The following ESR1 variants were observed in gnomAD, a reference collection of about 807,000 sequenced individuals.
ESR1 encodes the protein estrogen receptor 1.
ESR1 carries 12 observed loss-of-function variants against 52.7 expected under a neutral mutation model. The ratio of observed to expected loss-of-function variants is 0.23; its 90% CI spans 0.15 to 0.37. The LOEUF (loss-of-function observed/expected upper bound fraction) is 0.37. Ranked by LOEUF, ESR1 falls within the 10% of genes least tolerant of loss-of-function variation. The pLI, the probability that ESR1 is intolerant of heterozygous loss-of-function variation, is 1.00. For synonymous variants in ESR1, 305 were observed against 316.8 expected, an observed-to-expected ratio of 0.96 and a Z score of 0.39; for missense variants, 584 against 779.7, an observed-to-expected ratio of 0.75 and a Z score of 2.99.
At position 152,098,887 on chromosome 6, in the gene ESR1, C is replaced by T. The variant is rs2050851816; in HGVS notation, c.1709C>T (p.Thr570Ile). The T allele has an allele frequency of 1.2e-6, 2 of 1,614,204 alleles. No homozygotes were observed. The highest frequency in any genetic ancestry group is 1.1e-5 in the South Asian group (1 of 91,090). ...VEETDQSHLA[T>I]AGSTSSHSLQ... ...GAGACGGACCAAAGCCACTTGGCCACTGCGGGCTCTACTTCATCGCATTCC... is the reference window on the plus strand; with the variant it reads ...GAGACGGACCAAAGCCACTTGGCCATTGCGGGCTCTACTTCATCGCATTCC... Residue 570 changes from threonine (T) to isoleucine (I), a missense_variant, in exon 8 of 8, where the codon ACT becomes ATT. Around this residue, in one of 6 missense-constraint regions of ESR1, gnomAD observed 71 missense variants for 66.1 expected, o/e 1.07. Transcript: ENST00000206249. The surrounding 1 kb of genome is among the most constrained non-coding windows in gnomAD (Gnocchi z 5.1).
chr6:152,100,677 G>A lies in ESR1; in HGVS notation c.*1711G>A. ...GCCAATGACCCAGGTGAGCTGCTCG[G>A]GCTTCTCTTGGTATGTCTTGTTTGG... On this transcript the variant is annotated 3_prime_UTR_variant, in exon 8 of 8. Coordinates refer to ENST00000206249, the MANE Select transcript of ESR1 (RefSeq NM_000125.4). The A allele has an allele frequency of 4.3e-6, 1 of 230,388 alleles. No homozygotes were observed. 14.3% of individuals were successfully genotyped at this position (230,388 alleles called of 1,614,324 possible).
rs768191645 is a variant in ESR1 at position 152,098,691 on chromosome 6, T to C, written c.1554-41T>C. The stretch of plus-strand genomic sequence containing the variant: ...GATTTCAGCACTCCTGGGGCTCGGG[T>C]TGGCTCTAAAGTAGTCCTTTCTGTG... On this transcript the variant is annotated intron_variant, in intron 7 of 7. Transcript: ENST00000206249. This position sits in a 1 kb window ranked among gnomAD's most constrained non-coding sequence, Gnocchi z 5.1. 1.3e-6 allele frequency: 2 copies of C among 1,546,156 alleles called. No homozygotes were observed. The highest frequency in any genetic ancestry group is 2.3e-5 in the East Asian group (1 of 44,216).
chr6:151,829,148 T>A (rs946938500), intron 1 of ESR1, among the ~76,000 whole-genome samples: 1 of 152,232 alleles, frequency 6.6e-6, no homozygotes, highest in Non-Finnish European at 1.5e-5. Context: ...TCTCTTTTAT[T>A]CCAGAATCAC....
At chr6:151,717,371 A>G (rs1259249595) in intron 2 of ESR1, among the ~76,000 whole-genome samples, 1 of 152,252 alleles carries the variant, frequency 6.6e-6, no homozygotes, top group Non-Finnish European at 1.5e-5. Flanking sequence ...AATTTTCTGC[A>G]GCTTTATTAA....
At chr6:151,685,399 C>T (rs1475727773) in intron 1 of ESR1, among the ~76,000 whole-genome samples, 1 of 152,048 alleles carries the variant, frequency 6.6e-6, no homozygotes, top group South Asian at 2.1e-4. Context: ...TCCCAAAGTG[C>T]TGGGATTACA....
At chr6:152,117,733 A>C (rs770620490) in intron 6 of ESR1, among the ~76,000 whole-genome samples, 2 of 152,170 alleles carry the variant, frequency 1.3e-5, no homozygotes, top group African/African-American at 2.4e-5. Flanking sequence ...CACCTTGTTC[A>C]TGCACTTATT....
chr6:151,991,647 T>C (rs1471315383), intron 4 of ESR1, among the ~76,000 whole-genome samples: 2 of 152,090 alleles, frequency 1.3e-5, no homozygotes, highest in African/African-American at 2.4e-5. Context: ...TGATTCAGAC[T>C]TGTCTCAATG....
intron 6 of ESR1, among the ~76,000 whole-genome samples, chr6:152,073,301 T>C (rs1205116859): frequency 6.6e-6 from 1 of 152,202 alleles, no homozygotes; most frequent in Non-Finnish European, 1.5e-5. Flanking sequence ...ACGAAGATCA[T>C]GAAATAATAG....
intron 2 of ESR1, among the ~76,000 whole-genome samples, chr6:151,717,097 T>C (rs1031963022): frequency 6.6e-6 from 1 of 152,184 alleles, no homozygotes; most frequent in African/African-American, 2.4e-5. Context: ...AGGGCTTCCC[T>C]TGGCTAGGGG....
intron 2 of ESR1, among the ~76,000 whole-genome samples, chr6:151,726,582 C>T (rs142709535): frequency 1.7e-4 from 26 of 152,158 alleles, no homozygotes; most frequent in African/African-American, 4.6e-4. Flanking sequence ...GTGATCCAAC[C>T]GCCTCGGCCT....
At chr6:151,994,075 AT>A (rs1288086772) in intron 4 of ESR1, among the ~76,000 whole-genome samples, 1 of 152,162 alleles carries the variant, frequency 6.6e-6, no homozygotes, top group Non-Finnish European at 1.5e-5. Context: ...TATTATCACT[AT>A]TTTTAAATGG....
chr6:151,677,977 G>A (rs202166295), intron 1 of ESR1, among the ~76,000 whole-genome samples: 17 of 99,622 alleles, frequency 1.7e-4, no homozygotes, highest in South Asian at 8.0e-4. Context: ...TTAATAAAAC[G>A]TAATGAAAGA....
At chr6:151,871,189 C>T (rs1790886872) in intron 2 of ESR1, among the ~76,000 whole-genome samples, 1 of 151,776 alleles carries the variant, frequency 6.6e-6, no homozygotes. Context: ...ACAATTCATC[C>T]ATGAAAGCAG....
intron 1 of ESR1, among the ~76,000 whole-genome samples, chr6:151,837,625 G>A (rs146211844): frequency 4.6e-5 from 7 of 152,234 alleles, no homozygotes; most frequent in Middle Eastern, 3.4e-3. Context: ...TCATAGATGC[G>A]TTCATTTCTC....
chr6:152,005,667 G>T (rs1168371796), intron 4 of ESR1, among the ~76,000 whole-genome samples: 1 of 151,922 alleles, frequency 6.6e-6, no homozygotes, highest in Non-Finnish European at 1.5e-5. Context: ...AACCCTAAGT[G>T]GTAGGCCAGT....
upstream of ESR1, among the ~76,000 whole-genome samples, chr6:151,686,064 A>ATTCTTTTTTTTTTTTTTTTTTTTTT (rs1778652904): frequency 8.7e-6 from 1 of 114,368 alleles, no homozygotes; most frequent in African/African-American, 4.2e-5. Flanking sequence ...AATTAAAACA[A>ATTCTTTTTTTTTTTTTTTTTTTTTT]TTTTTTTTTT....
At chr6:151,956,843 A>ATATATATATATATATATATATATAAATAT (rs2037003332) in intron 4 of ESR1, among the ~76,000 whole-genome samples, 1 of 44,466 alleles carries the variant, frequency 2.2e-5, no homozygotes, top group African/African-American at 7.4e-5. Context: ...AATATAAATA[A>ATATATATATATATATATATATATAAATAT]ATATATATAT....
chr6:151,874,995 A>G (rs985644018), intron 2 of ESR1, among the ~76,000 whole-genome samples: 1 of 152,266 alleles, frequency 6.6e-6, no homozygotes, highest in African/African-American at 2.4e-5. Context: ...GGAAAATGGC[A>G]TTTTAATTCA....
intron 6 of ESR1, among the ~76,000 whole-genome samples, chr6:152,069,477 G>T (rs928250030): frequency 1.5e-5 from 2 of 136,352 alleles, no homozygotes; most frequent in African/African-American, 6.6e-5. Flanking sequence ...ACGTGACTTT[G>T]AAGTGTTAAG....
Sources: allele counts gnomAD v4.1 joint callset (sites outside exome capture counted in the v4.1 genomes callset), GRCh38; gene constraint gnomAD v4.1.1; regional missense constraint gnomAD v4.1.1; non-coding constraint Gnocchi (gnomAD v3.1); transcripts MANE v1.5; gene names NCBI Gene and HGNC (gene_info 2026-07-23, HGNC 2026-07-21).